The following NDC1 variants were observed in gnomAD, a reference collection of about 807,000 sequenced individuals.
NDC1 encodes the protein nucleoporin NDC1.
A neutral mutation model predicts 89.8 loss-of-function variants in NDC1; 24 were observed. The ratio of observed to expected loss-of-function variants is 0.27; its 90% CI spans 0.19 to 0.38. The LOEUF is 0.38. NDC1 is among the 10% of genes least tolerant of loss of function. The pLI is 1.00. For missense variants in NDC1, 728 were observed against 797.6 expected, an observed-to-expected ratio of 0.91 and a Z score of 1.05; for synonymous variants, 296 against 284.8, an observed-to-expected ratio of 1.04 and a Z score of -0.39.
intron 1 of NDC1, among the ~76,000 whole-genome samples, chr1:53,837,664 A>G (rs1649281136): frequency 6.6e-6 from 1 of 152,072 alleles, no homozygotes; most frequent in African/African-American, 2.4e-5. Context: ...GCACTTTTCC[A>G]AAAGGGATCT....
At chr1:53,837,102 T>A (rs1649258717) in intron 1 of NDC1, among the ~76,000 whole-genome samples, 1 of 152,130 alleles carries the variant, frequency 6.6e-6, no homozygotes, top group Admixed American at 6.6e-5. Flanking sequence ...TACAGTGGAT[T>A]ATTCAGCCAC....
Position 53,797,020 on chromosome 1 carries a change from G to T in NDC1, c.1347C>A (p.Thr449=), listed in dbSNP as rs370005624. 485 of 1,614,070 alleles carry T rather than the reference G, an allele frequency of 3.0e-4. 5 individuals are homozygous for T. The South Asian group carries it at 5.2e-3, about 17-fold the overall frequency. The change falls in exon 12 of 18, where the codon ACC becomes ACA. Residue 449 remains threonine, a synonymous_variant. Transcript: ENST00000371429. The part of the protein sequence containing the change: ...STPDVVSPFG[T]PFGSSVMNRM... Reference sequence around the variant, plus strand: ...GATTCATTACACTAGAGCCAAATGGGGTCCCAAATGGGCTCACAACATCAG... The same window carrying T: ...GATTCATTACACTAGAGCCAAATGGTGTCCCAAATGGGCTCACAACATCAG...
At position 53,832,485 on chromosome 1, in the gene NDC1, C is replaced by T. The variant is rs749895535; in HGVS notation, c.280+5G>A. 37 of 1,464,520 alleles carry T rather than the reference C, an allele frequency of 2.5e-5. No individual in the cohort carries two copies. Among genetic ancestry groups the T allele is most frequent in the South Asian group, 1.2e-5 (1 of 85,414 alleles). 90.7% of individuals were successfully genotyped at this position (1,464,520 alleles called of 1,614,324 possible). Reference sequence around the variant, plus strand: ...TTCTAAGAAGGTTAACATTTGAAAACTCACCTGCATAGAACTCCACATTGA... The same window carrying T: ...TTCTAAGAAGGTTAACATTTGAAAATTCACCTGCATAGAACTCCACATTGA... On this transcript the variant is annotated splice_donor_5th_base_variant and intron_variant, in intron 3 of 17. Transcript: ENST00000371429.
chr1:53,795,541 C>G (rs1647669128), intron 13 of NDC1, among the ~76,000 whole-genome samples: 1 of 152,134 alleles, frequency 6.6e-6, no homozygotes, highest in African/African-American at 2.4e-5. Flanking sequence ...TAAATTGCAA[C>G]TATATTATTC....
intron 11 of NDC1, among the ~76,000 whole-genome samples, chr1:53,798,226 T>C (rs1647790904): frequency 6.7e-6 from 1 of 149,226 alleles, no homozygotes; most frequent in Admixed American, 6.7e-5. Flanking sequence ...TGGAGTGCTA[T>C]GGCGCAATCT....
intron 1 of NDC1, among the ~76,000 whole-genome samples, chr1:53,836,380 T>A (rs1557593767): frequency 6.7e-6 from 1 of 149,316 alleles, no homozygotes; most frequent in Non-Finnish European, 1.5e-5. Context: ...AAACCCTGTC[T>A]CTATAAAAAA....
At chr1:53,794,480 A>G (rs1438366537) in intron 13 of NDC1, among the ~76,000 whole-genome samples, 1 of 152,174 alleles carries the variant, frequency 6.6e-6, no homozygotes, top group Non-Finnish European at 1.5e-5. Context: ...ATAGAGCCGT[A>G]TGGGATCCCG....
At chr1:53,834,359 A>G (rs370364641) in intron 2 of NDC1, among the ~76,000 whole-genome samples, 2 of 152,306 alleles carry the variant, frequency 1.3e-5, no homozygotes, top group East Asian at 3.9e-4. Context: ...CTATAGAAAT[A>G]TTTGCTATGC....
intron 11 of NDC1, among the ~76,000 whole-genome samples, chr1:53,798,934 AGAGTTTTACAATTATTCTTCAAAATAT>A (rs1344820224): frequency 6.6e-6 from 1 of 152,224 alleles, no homozygotes; most frequent in Non-Finnish European, 1.5e-5. Context: ...GGAGTTTTTA[AGAGTTTTACAATTATTCTTCAAAATAT>A]GAGACAAATT....
chr1:53,769,667 T>C (rs191593359), intron 17 of NDC1, among the ~76,000 whole-genome samples: 48 of 152,346 alleles, frequency 3.2e-4, no homozygotes, highest in African/African-American at 8.7e-4. Flanking sequence ...GAGCTTTGAA[T>C]AGTGAATAAT....
At chr1:53,768,869 T>C (rs956698576) in intron 17 of NDC1, among the ~76,000 whole-genome samples, 9 of 152,338 alleles carry the variant, frequency 5.9e-5, no homozygotes, top group African/African-American at 1.9e-4. Context: ...AGTGAGGCTG[T>C]CTTCTCTAAC....
intron 7 of NDC1, among the ~76,000 whole-genome samples, chr1:53,808,776 C>T (rs762632682): frequency 1.3e-4 from 20 of 152,250 alleles, no homozygotes; most frequent in Non-Finnish European, 2.4e-4. Flanking sequence ...ATGACTCATG[C>T]GTTTGGTTTC....
intron 6 of NDC1, among the ~76,000 whole-genome samples, chr1:53,817,066 T>C (rs1648506827): frequency 6.6e-6 from 1 of 152,174 alleles, no homozygotes; most frequent in Non-Finnish European, 1.5e-5. Context: ...GTACAGCCAC[T>C]ATGGAAAAGT....
At chr1:53,828,211 C>A in intron 3 of NDC1, 38 bp from the exon 4 acceptor site, 1 of 1,580,534 alleles carries the variant, frequency 6.3e-7, no homozygotes, top group Non-Finnish European at 8.7e-7. Context: ...TTATAACCTA[C>A]AGCATATGCA....
chr1:53,823,028 G>A (rs564771427), intron 5 of NDC1, among the ~76,000 whole-genome samples: 2 of 152,158 alleles, frequency 1.3e-5, no homozygotes, highest in Admixed American at 1.3e-4. Context: ...GATAAGCTAC[G>A]GTGTCCTCCC....
intron 6 of NDC1, among the ~76,000 whole-genome samples, chr1:53,816,588 C>T (rs190180881): frequency 1.9e-4 from 29 of 149,656 alleles, no homozygotes; most frequent in Admixed American, 3.3e-4. Context: ...ATAAAAACAA[C>T]GATAAATAGC....
At chr1:53,782,297 A>G (rs757502433) in intron 16 of NDC1, among the ~76,000 whole-genome samples, 1 of 152,184 alleles carries the variant, frequency 6.6e-6, no homozygotes, top group Non-Finnish European at 1.5e-5. Context: ...CCATAGGAGC[A>G]AGAGGATGTA....
intron 17 of NDC1, among the ~76,000 whole-genome samples, chr1:53,768,307 C>T (rs184368506): frequency 1.3e-5 from 2 of 152,192 alleles, no homozygotes; most frequent in African/African-American, 4.8e-5. Context: ...TGCTATGGAA[C>T]CTGCTGTGCG....
intron 5 of NDC1, among the ~76,000 whole-genome samples, chr1:53,821,085 G>A (rs543811986): frequency 5.3e-5 from 8 of 151,942 alleles, no homozygotes; most frequent in African/African-American, 1.9e-4. Context: ...AATAATTATA[G>A]TATTCAGAAA....
Sources: allele counts gnomAD v4.1 joint callset (sites outside exome capture counted in the v4.1 genomes callset), GRCh38; gene constraint gnomAD v4.1.1; transcripts MANE v1.5; gene names NCBI Gene and HGNC (gene_info 2026-07-23, HGNC 2026-07-21).